The following TTC28 variants were observed in gnomAD, a reference collection of about 807,000 sequenced individuals.
The protein encoded by TTC28 is tetratricopeptide repeat protein 28.
Under a neutral mutation model 198.0 loss-of-function variants are expected in TTC28, and 61 were observed. The observed-to-expected ratio is 0.31, with a 90% CI of 0.25 to 0.38. The LOEUF (loss-of-function observed/expected upper bound fraction) is 0.38. TTC28 is among the 10% of genes least tolerant of loss of function. TTC28 has a pLI of 1.00. For missense variants in TTC28, 2,678 were observed against 3,164.0 expected, an observed-to-expected ratio of 0.85 and a Z score of 3.69; for synonymous variants, 1,171 against 1,297.8, an observed-to-expected ratio of 0.90 and a Z score of 2.10.
At chr22:28,540,148 G>A (rs1246364221) in intron 2 of TTC28, among the ~76,000 whole-genome samples, 2 of 151,832 alleles carry the variant, frequency 1.3e-5, no homozygotes, top group Non-Finnish European at 2.9e-5. Context: ...GGGTTTCATC[G>A]TATTAGCCAG....
chr22:28,322,323 C>T (rs961498856), intron 2 of TTC28, among the ~76,000 whole-genome samples: 1 of 152,036 alleles, frequency 6.6e-6, no homozygotes, highest in Admixed American at 6.6e-5. Flanking sequence ...GCAGCCTGCC[C>T]AGTCAACTGC....
chr22:28,325,885 T>A (rs545946883), intron 2 of TTC28, among the ~76,000 whole-genome samples: 1 of 152,172 alleles, frequency 6.6e-6, no homozygotes, highest in Non-Finnish European at 1.5e-5. Context: ...GAAACTCTTA[T>A]ATATTGCTGG....
At chr22:28,178,016 T>C (rs911074100) in intron 5 of TTC28, among the ~76,000 whole-genome samples, 7 of 151,996 alleles carry the variant, frequency 4.6e-5, no homozygotes, top group African/African-American at 1.4e-4. Context: ...TAATTATATA[T>C]CAATATTGGT....
chr22:28,175,381 C>A (rs542523089), intron 5 of TTC28, among the ~76,000 whole-genome samples: 6 of 152,244 alleles, frequency 3.9e-5, no homozygotes, highest in South Asian at 4.1e-4. Context: ...GGGTTAATAT[C>A]CAGAATATTT....
intron 2 of TTC28, among the ~76,000 whole-genome samples, chr22:28,614,414 T>C (rs187925234): frequency 1.1e-3 from 166 of 152,310 alleles, no homozygotes; most frequent in African/African-American, 3.8e-3. Context: ...AAGCTACCAT[T>C]AACTTTCTTC....
At chr22:28,141,578 T>C (rs997524558) in intron 6 of TTC28, among the ~76,000 whole-genome samples, 1 of 152,150 alleles carries the variant, frequency 6.6e-6, no homozygotes, top group Non-Finnish European at 1.5e-5. Flanking sequence ...AAGGTTCAAA[T>C]TGATTGTGGA....
intron 5 of TTC28, among the ~76,000 whole-genome samples, chr22:28,289,465 A>G (rs970025734): frequency 6.0e-5 from 9 of 149,378 alleles, no homozygotes; most frequent in African/African-American, 2.2e-4. Flanking sequence ...AAGTAGACAG[A>G]AGGTTAGTCA....
intron 13 of TTC28, among the ~76,000 whole-genome samples, chr22:28,023,310 T>C (rs1569088503): frequency 1.3e-5 from 2 of 152,208 alleles, no homozygotes; most frequent in African/African-American, 4.8e-5. Flanking sequence ...GTAACAAGTA[T>C]GAGGCTCTAG....
intron 5 of TTC28, among the ~76,000 whole-genome samples, chr22:28,224,154 C>T (rs1043825177): frequency 3.3e-5 from 5 of 152,134 alleles, no homozygotes; most frequent in South Asian, 2.1e-4. Context: ...CCCACAATAA[C>T]GGAGGACCCA....
At chr22:27,985,809 C>G (rs1321648969) in intron 21 of TTC28, 2 of 158,858 alleles carry the variant, frequency 1.3e-5, no homozygotes, top group East Asian at 3.6e-4. Flanking sequence ...AAAGACAATG[C>G]CTTCATGCAT....
At chr22:28,660,246 G>T (rs1274915474) in intron 1 of TTC28, among the ~76,000 whole-genome samples, 1 of 152,110 alleles carries the variant, frequency 6.6e-6, no homozygotes, top group Non-Finnish European at 1.5e-5. Context: ...TATGAAAATT[G>T]ATTCTTCCTC....
At chr22:28,301,652 A>G (rs573813984) in intron 3 of TTC28, among the ~76,000 whole-genome samples, 8 of 152,366 alleles carry the variant, frequency 5.3e-5, no homozygotes, top group African/African-American at 1.9e-4. Flanking sequence ...ATGGTGTGTC[A>G]CTTTTATATC....
intron 12 of TTC28, among the ~76,000 whole-genome samples, chr22:28,066,322 T>C (rs139314479): frequency 0.018 from 2,799 of 151,748 alleles, 36 homozygotes; most frequent in East Asian, 0.061. Context: ...TGTGTGTGTG[T>C]GCGCGCGCGC....
chr22:28,158,784 A>G (rs551732099), intron 6 of TTC28, among the ~76,000 whole-genome samples: 1 of 152,328 alleles, frequency 6.6e-6, no homozygotes, highest in African/African-American at 2.4e-5. Flanking sequence ...AAGACTTTAA[A>G]TCTATGACTT....
chr22:28,529,638 C>T (rs1407781883), intron 2 of TTC28, among the ~76,000 whole-genome samples: 1 of 152,238 alleles, frequency 6.6e-6, no homozygotes, highest in African/African-American at 2.4e-5. Context: ...AGTAGCCTAA[C>T]TGGGAGACAC....
At chr22:28,042,215 C>T (rs1939668127) in intron 12 of TTC28, among the ~76,000 whole-genome samples, 1 of 152,014 alleles carries the variant, frequency 6.6e-6, no homozygotes, top group Non-Finnish European at 1.5e-5. Flanking sequence ...TTTGACCCAG[C>T]CATCCCATTA....
At chr22:28,255,586 C>G (rs1216326224) in intron 5 of TTC28, among the ~76,000 whole-genome samples, 1 of 151,256 alleles carries the variant, frequency 6.6e-6, no homozygotes, top group Non-Finnish European at 1.5e-5. Flanking sequence ...GAGGCTGAGG[C>G]AGGAGAATCA....
intron 5 of TTC28, among the ~76,000 whole-genome samples, chr22:28,247,942 A>G (rs892098599): frequency 6.6e-6 from 1 of 152,002 alleles, no homozygotes; most frequent in Non-Finnish European, 1.5e-5. Flanking sequence ...TTTTTAATAC[A>G]AAAAAAATCC....
chr22:28,669,565 A>T (rs1031736981), intron 1 of TTC28, among the ~76,000 whole-genome samples: 17 of 152,176 alleles, frequency 1.1e-4, no homozygotes, highest in Non-Finnish European at 2.1e-4. Flanking sequence ...AGAACTGGTC[A>T]AAGGGAAGAT....
Sources: allele counts gnomAD v4.1 joint callset (sites outside exome capture counted in the v4.1 genomes callset), GRCh38; gene constraint gnomAD v4.1.1; transcripts MANE v1.5; gene names NCBI Gene and HGNC (gene_info 2026-07-23, HGNC 2026-07-21).